KIAA1217: variants seen among roughly 807,000 people sequenced by gnomAD.
KIAA1217 encodes the protein KIAA1217.
In KIAA1217, 88 loss-of-function variants were observed where a neutral mutation model predicts 163.9. The observed-to-expected ratio is 0.54, with a 90% CI of 0.45 to 0.64. KIAA1217 has a LOEUF of 0.64. Ranked by LOEUF, KIAA1217 falls within the 30% of genes least tolerant of loss-of-function variation. The probability of loss-of-function intolerance (pLI) is 0.00; values close to 1 mark genes in which losing one functional copy is unlikely to be tolerated. For missense variants in KIAA1217, 2,372 were observed against 2,475.0 expected (o/e 0.96, Z 0.88); for synonymous variants, 903 against 923.1 (o/e 0.98, Z 0.39).
chr10:24,308,871 C>A (rs1486293395), intron 2 of KIAA1217, among the ~76,000 whole-genome samples: 8 of 152,012 alleles, frequency 5.3e-5, no homozygotes. Flanking sequence ...GCCTCTAATC[C>A]CAGCACTTTG....
At chr10:24,461,545 G>A (rs1192243712) in intron 5 of KIAA1217, among the ~76,000 whole-genome samples, 1 of 151,920 alleles carries the variant, frequency 6.6e-6, no homozygotes, top group Non-Finnish European at 1.5e-5. Context: ...TAGTAGAGAT[G>A]GGGTTTCACC....
At chr10:23,790,380 T>TATGCATATATAC (rs1835784680) in intron 1 of KIAA1217, among the ~76,000 whole-genome samples, 3 of 81,238 alleles carry the variant, frequency 3.7e-5, no homozygotes, top group Non-Finnish European at 7.4e-5. Flanking sequence ...TACATATGTA[T>TATGCATATATAC]ATATACATAT....
chr10:24,461,740 T>C (rs1282800351), intron 5 of KIAA1217, among the ~76,000 whole-genome samples: 1 of 152,250 alleles, frequency 6.6e-6, no homozygotes, highest in African/African-American at 2.4e-5. Flanking sequence ...AATACATATA[T>C]ACATTTTAAT....
chr10:23,999,234 C>G (rs188557916), intron 1 of KIAA1217, among the ~76,000 whole-genome samples: 1 of 152,268 alleles, frequency 6.6e-6, no homozygotes, highest in East Asian at 1.9e-4. Context: ...TAGGAAGATT[C>G]AAAAGAACAG....
At chr10:24,322,452 T>A (rs973848393) in intron 2 of KIAA1217, among the ~76,000 whole-genome samples, 4 of 151,944 alleles carry the variant, frequency 2.6e-5, no homozygotes, top group African/African-American at 9.7e-5. Flanking sequence ...AGAGAAAGAC[T>A]AGTGTTGGGA....
chr10:24,452,320 C>T (rs567518609), intron 5 of KIAA1217, among the ~76,000 whole-genome samples: 7 of 152,056 alleles, frequency 4.6e-5, no homozygotes, highest in African/African-American at 1.4e-4. Context: ...AGAAACAGCA[C>T]TGAAACTAAT....
intron 15 of KIAA1217, among the ~76,000 whole-genome samples, chr10:24,532,667 C>A (rs1047803096): frequency 1.3e-5 from 2 of 152,064 alleles, no homozygotes; most frequent in African/African-American, 4.8e-5. Flanking sequence ...ATAAAACGGT[C>A]CGATCTCGTG....
intron 2 of KIAA1217, among the ~76,000 whole-genome samples, chr10:24,147,031 AC>A (rs1354313771): frequency 0.013 from 1,873 of 146,838 alleles, 12 homozygotes; most frequent in Middle Eastern, 0.043. Flanking sequence ...AAAAAAAAAA[AC>A]AGTTCCCAGA....
At chr10:23,808,118 TG>T (rs1836829666) in intron 1 of KIAA1217, among the ~76,000 whole-genome samples, 1 of 152,230 alleles carries the variant, frequency 6.6e-6, no homozygotes, top group Non-Finnish European at 1.5e-5. Context: ...ATCTATGTGG[TG>T]GGGAACCCAG....
At chr10:24,249,726 A>C (rs1343907892) in intron 2 of KIAA1217, among the ~76,000 whole-genome samples, 1 of 152,182 alleles carries the variant, frequency 6.6e-6, no homozygotes, top group Non-Finnish European at 1.5e-5. Flanking sequence ...CATTATTTCA[A>C]ATATAGTTCT....
chr10:24,542,881 A>T lies in KIAA1217; in HGVS notation c.3613-2A>T. 3.1e-6 allele frequency: 5 copies of T among 1,609,658 alleles called. No homozygotes were observed. The highest frequency in any genetic ancestry group is 3.4e-6 in the Non-Finnish European group (4 of 1,177,510). Reference sequence around the variant, plus strand: ...GTTTCCCTCCTCCGTTCTCCCTCTCAGGTTACCACAGGGGCTGTAAGACCT... The same window carrying T: ...GTTTCCCTCCTCCGTTCTCCCTCTCTGGTTACCACAGGGGCTGTAAGACCT... On this transcript the variant is annotated splice_acceptor_variant, in intron 18 of 20. Transcript: ENST00000376454. LOFTEE classifies it high-confidence loss of function.
At chr10:24,198,954 C>T (rs1019195537) in intron 2 of KIAA1217, among the ~76,000 whole-genome samples, 2 of 152,158 alleles carry the variant, frequency 1.3e-5, no homozygotes, top group African/African-American at 4.8e-5. Flanking sequence ...TGTGGTGGCT[C>T]ACGCCTGCAA....
chr10:24,309,102 G>A (rs2042327944), intron 2 of KIAA1217, among the ~76,000 whole-genome samples: 1 of 126,252 alleles, frequency 7.9e-6, no homozygotes, highest in Admixed American at 8.1e-5. Flanking sequence ...CAGCCTGGGT[G>A]ACAGAGCAAG....
chr10:24,224,648 T>C (rs1055238812), intron 2 of KIAA1217, among the ~76,000 whole-genome samples: 1 of 151,862 alleles, frequency 6.6e-6, no homozygotes, highest in Non-Finnish European at 1.5e-5. Flanking sequence ...TCTGTTTCAG[T>C]TTCCTCGTTT....
upstream of KIAA1217, among the ~76,000 whole-genome samples, chr10:24,205,158 A>C (rs755203222): frequency 7.9e-5 from 12 of 152,050 alleles, no homozygotes; most frequent in Non-Finnish European, 1.6e-4. Context: ...CTCTGTTGAA[A>C]AACTTACATA....
At chr10:23,958,349 T>G (rs1564565697) in intron 1 of KIAA1217, among the ~76,000 whole-genome samples, 1 of 152,144 alleles carries the variant, frequency 6.6e-6, no homozygotes, top group South Asian at 2.1e-4. Context: ...CACCAAAAAA[T>G]TGGGGCAAGC....
At chr10:23,899,447 C>T (rs1841859398) in intron 1 of KIAA1217, among the ~76,000 whole-genome samples, 1 of 151,994 alleles carries the variant, frequency 6.6e-6, no homozygotes, top group African/African-American at 2.4e-5. Flanking sequence ...GTGCATCTGA[C>T]TTGAATCTTC....
intron 17 of KIAA1217, among the ~76,000 whole-genome samples, chr10:24,539,190 G>A (rs1757828933): frequency 6.6e-6 from 1 of 151,952 alleles, no homozygotes; most frequent in African/African-American, 2.4e-5. Context: ...AGATCCCTCT[G>A]GAGACCATTA....
At chr10:23,871,008 TTTTTC>T (rs951910286) in intron 1 of KIAA1217, among the ~76,000 whole-genome samples, 5 of 151,714 alleles carry the variant, frequency 3.3e-5, no homozygotes, top group African/African-American at 1.2e-4. Flanking sequence ...TTTTTTTTTC[TTTTTC>T]TTTTCTTTTT....
Sources: allele counts gnomAD v4.1 joint callset (sites outside exome capture counted in the v4.1 genomes callset), GRCh38; gene constraint gnomAD v4.1.1; transcripts MANE v1.5; gene names NCBI Gene and HGNC (gene_info 2026-07-23, HGNC 2026-07-21).